CNOT6: variants seen among roughly 807,000 people sequenced by gnomAD.
CNOT6 encodes carbon catabolite repression 4 protein.
A neutral mutation model predicts 61.2 loss-of-function variants in CNOT6; 12 were observed. That is an observed-to-expected ratio of 0.20 (90% CI 0.13 to 0.32). The LOEUF is 0.32. Ranked by LOEUF, CNOT6 falls within the 10% of genes least tolerant of loss-of-function variation. The probability of loss-of-function intolerance (pLI) is 1.00; values close to 1 mark genes in which losing one functional copy is unlikely to be tolerated. For missense variants in CNOT6, 405 were observed against 663.9 expected (o/e 0.61, Z 4.28); for synonymous variants, 225 against 240.6 (o/e 0.94, Z 0.60).
At chr5:180,512,569 A>G (rs994451147) in intron 1 of CNOT6, among the ~76,000 whole-genome samples, 2 of 152,216 alleles carry the variant, frequency 1.3e-5, no homozygotes, top group African/African-American at 4.8e-5. Context: ...CATTACAGCT[A>G]AACATTCAAA....
chr5:180,504,411 A>G (rs1353250584), intron 1 of CNOT6, among the ~76,000 whole-genome samples: 1 of 152,222 alleles, frequency 6.6e-6, no homozygotes, highest in Non-Finnish European at 1.5e-5. Context: ...GTGTATCTGA[A>G]TTGGCAGCCT....
intron 9 of CNOT6, 75 bp downstream of exon 9, chr5:180,568,078 T>G: frequency 7.0e-7 from 1 of 1,438,442 alleles, no homozygotes. Context: ...AACAGAAATT[T>G]CATTGTGTAT....
At chr5:180,550,772 A>G (rs576165474) in intron 3 of CNOT6, among the ~76,000 whole-genome samples, 12 of 152,320 alleles carry the variant, frequency 7.9e-5, no homozygotes, top group Admixed American at 1.3e-4. Context: ...CCAGGAAACC[A>G]TTGCCAGTTG....
intron 1 of CNOT6, among the ~76,000 whole-genome samples, chr5:180,519,620 A>G (rs547426466): frequency 6.6e-6 from 1 of 152,296 alleles, no homozygotes; most frequent in South Asian, 2.1e-4. Flanking sequence ...TAAACCATAC[A>G]CCAATTAATA....
In CNOT6 at chr5:180,577,417, T is replaced by C. The variant is rs543770842; in HGVS notation, c.*3217T>C. The C allele has an allele frequency of 2.6e-5, 4 of 152,674 alleles. No individual in the cohort carries two copies. Among genetic ancestry groups the C allele is most frequent in the Admixed American group, 2.0e-4 (3 of 15,284 alleles). The allele number at this position is 152,674 out of a possible 1,614,324, so 9.5% of individuals were successfully genotyped here. The stretch of plus-strand genomic sequence containing the variant: ...CTAGTTTCCATACTGACTTGTAAGG[T>C]TTTGGGGTCATATATAAGGACTAAA... On this transcript the variant is annotated 3_prime_UTR_variant, in exon 12 of 12. Transcript: ENST00000261951.
chr5:180,495,999 G>C (rs779459173), intron 1 of CNOT6, among the ~76,000 whole-genome samples: 9 of 152,092 alleles, frequency 5.9e-5, no homozygotes, highest in Non-Finnish European at 1.3e-4. Context: ...TGCAGCCTTC[G>C]CCTCCTGGGT....
chr5:180,501,069 T>A (rs1756847446), intron 1 of CNOT6, among the ~76,000 whole-genome samples: 1 of 151,792 alleles, frequency 6.6e-6, no homozygotes. Flanking sequence ...AGTTGTAGGG[T>A]TTTTCTTAAA....
At chr5:180,550,666 A>G (rs899501656) in intron 3 of CNOT6, among the ~76,000 whole-genome samples, 1 of 152,170 alleles carries the variant, frequency 6.6e-6, no homozygotes, top group African/African-American at 2.4e-5. Flanking sequence ...TGAATGAGAA[A>G]GTTTGGACAG....
chr5:180,495,187 A>C (rs1756548737), intron 1 of CNOT6, among the ~76,000 whole-genome samples: 1 of 152,194 alleles, frequency 6.6e-6, no homozygotes, highest in South Asian at 2.1e-4. Context: ...CCGTGGCCAC[A>C]ATTACTGTCA....
At chr5:180,511,955 C>G (rs1757419076) in intron 1 of CNOT6, among the ~76,000 whole-genome samples, 2 of 152,168 alleles carry the variant, frequency 1.3e-5, no homozygotes, top group Admixed American at 1.3e-4. Context: ...TCCTTCTTCC[C>G]TTTCCATCAA....
intron 1 of CNOT6, among the ~76,000 whole-genome samples, chr5:180,513,948 C>T (rs1757516763): frequency 2.0e-5 from 3 of 151,910 alleles, no homozygotes; most frequent in Admixed American, 6.6e-5. Flanking sequence ...ATGATCTGCC[C>T]TCCTCGGCCT....
chr5:180,513,042 C>A lies in CNOT6; in HGVS notation c.-2-16233C>A, dbSNP rs1757468107. Among the ~76,000 whole-genome samples, 3 of 152,058 alleles carry A rather than the reference C, an allele frequency of 2.0e-5. No homozygotes were observed. The South Asian group carries it at 6.2e-4, about 32-fold the overall frequency. On this transcript the variant is annotated intron_variant, in intron 1 of 11. Transcript: ENST00000261951. ...TCCCGAGTAGCTGGGACTACAGGTG[C>A]CCGCCACCAATGCCCGGATAATTTT...
intron 1 of CNOT6, among the ~76,000 whole-genome samples, chr5:180,526,883 C>CTTT (rs11366709): frequency 7.2e-6 from 1 of 138,406 alleles, no homozygotes; most frequent in Non-Finnish European, 1.6e-5. Flanking sequence ...AACCGTAAAA[C>CTTT]TTTTTTTTTT....
At chr5:180,505,985 T>C (rs1581469368) in intron 1 of CNOT6, among the ~76,000 whole-genome samples, 1 of 152,184 alleles carries the variant, frequency 6.6e-6, no homozygotes, top group Non-Finnish European at 1.5e-5. Flanking sequence ...ATGATGCATC[T>C]GAGACATAAA....
chr5:180,565,793 G>GA (rs780258620), intron 6 of CNOT6, 27 bp from the exon 7 acceptor site: 2 of 1,539,376 alleles, frequency 1.3e-6, no homozygotes. Flanking sequence ...CCACATGTGT[G>GA]AATAAGTAAA....
intron 4 of CNOT6, among the ~76,000 whole-genome samples, chr5:180,561,740 G>A (rs889211113): frequency 3.9e-5 from 6 of 152,308 alleles, no homozygotes; most frequent in East Asian, 1.9e-4. Context: ...GCTTCTGGTG[G>A]AGGTGGTAGT....
chr5:180,546,395 CTTTG>C (rs965341618), intron 2 of CNOT6, among the ~76,000 whole-genome samples: 3 of 151,866 alleles, frequency 2.0e-5, no homozygotes, highest in East Asian at 1.9e-4. Context: ...ATTTTACCTC[CTTTG>C]TTTGACTTTT....
intron 2 of CNOT6, among the ~76,000 whole-genome samples, chr5:180,549,650 A>C (rs993851943): frequency 2.0e-5 from 3 of 149,622 alleles, no homozygotes; most frequent in African/African-American, 7.3e-5. Context: ...CTCCGTTTCA[A>C]AAAAAAAAAG....
chr5:180,501,567 A>C (rs1036409352), intron 1 of CNOT6, among the ~76,000 whole-genome samples: 47 of 152,214 alleles, frequency 3.1e-4, no homozygotes, highest in African/African-American at 1.1e-3. Flanking sequence ...ACTCAGGAAG[A>C]GTGTGTGAAC....
Sources: allele counts gnomAD v4.1 joint callset (sites outside exome capture counted in the v4.1 genomes callset), GRCh38; gene constraint gnomAD v4.1.1; transcripts MANE v1.5; gene names NCBI Gene and HGNC (gene_info 2026-07-23, HGNC 2026-07-21).